The following GALNT8 variants were observed in gnomAD, a reference collection of about 807,000 sequenced individuals.
GALNT8 encodes probable polypeptide N-acetylgalactosaminyltransferase 8.
GALNT8 carries 66 observed loss-of-function variants against 62.7 expected under a neutral mutation model. The observed-to-expected ratio is 1.05, with a 90% CI of 0.86 to 1.29. The LOEUF is 1.29. Among genes scored for constraint, GALNT8 ranks in the 50% most tolerant of loss-of-function variants. GALNT8 has a pLI of 0.00. For missense variants in GALNT8, 771 were observed against 791.8 expected, an observed-to-expected ratio of 0.97 and a Z score of 0.32; for synonymous variants, 288 against 294.3, an observed-to-expected ratio of 0.98 and a Z score of 0.22.
intron 6 of GALNT8, among the ~76,000 whole-genome samples, chr12:4,754,565 C>T (rs1946336192): frequency 1.3e-5 from 2 of 152,130 alleles, no homozygotes; most frequent in Non-Finnish European, 2.9e-5. Flanking sequence ...ATGAATGCTG[C>T]CTGGCTTAAG....
chr12:4,727,820 G>C (rs1271278742), intron 2 of GALNT8, among the ~76,000 whole-genome samples: 1 of 152,170 alleles, frequency 6.6e-6, no homozygotes, highest in East Asian at 1.9e-4. Flanking sequence ...TAATACTGCT[G>C]TGAACATTCA....
intron 5 of GALNT8, 102 bp downstream of exon 5, chr12:4,745,728 G>A (rs74056121): frequency 4.8e-6 from 4 of 835,818 alleles, no homozygotes; most frequent in Non-Finnish European, 7.9e-6. Flanking sequence ...GGGGTGACGT[G>A]GAAGGAGGGG....
At chr12:4,745,827 G>T (rs1439534786) in intron 5 of GALNT8, among the ~76,000 whole-genome samples, 2 of 152,148 alleles carry the variant, frequency 1.3e-5, no homozygotes, top group African/African-American at 4.8e-5. Context: ...GGGATATTTA[G>T]GGACTTTCAG....
chr12:4,741,084 G>A (rs954353372), intron 3 of GALNT8, among the ~76,000 whole-genome samples: 1 of 152,122 alleles, frequency 6.6e-6, no homozygotes, highest in East Asian at 1.9e-4. Flanking sequence ...GACTATAAGG[G>A]CTATGAAGTG....
intron 1 of GALNT8, among the ~76,000 whole-genome samples, chr12:4,725,893 T>C (rs1363286685): frequency 6.6e-6 from 1 of 152,156 alleles, no homozygotes; most frequent in Non-Finnish European, 1.5e-5. Flanking sequence ...AAGTTGGAAA[T>C]TGCAAGACTA....
At chr12:4,767,694 C>G (rs1946405790) in intron 10 of GALNT8, among the ~76,000 whole-genome samples, 1 of 152,220 alleles carries the variant, frequency 6.6e-6, no homozygotes, top group South Asian at 2.1e-4. Context: ...GTCTGAGCAT[C>G]TGGCAGACCT....
intron 7 of GALNT8, among the ~76,000 whole-genome samples, chr12:4,762,389 C>A (rs1946377145): frequency 6.6e-6 from 1 of 152,174 alleles, no homozygotes; most frequent in South Asian, 2.1e-4. Context: ...TCTGCTTTTC[C>A]TAATTTGCCT....
Position 4,761,030 on chromosome 12 carries a change from C to CT in GALNT8, c.1246_1247insT (p.Pro416LeufsTer24). On this transcript the variant is annotated frameshift_variant, in exon 7 of 11. Coordinates refer to ENST00000252318, the MANE Select transcript of GALNT8 (RefSeq NM_017417.2). LOFTEE classifies it high-confidence loss of function. ...TGCCCACCTAGAGAGACACCACAAG[C>CT]CCTACGCCTTGGATCTCACCGCTGC... 1.2e-6 allele frequency: 2 copies of CT among 1,614,020 alleles called. No individual in the cohort carries two copies. Among genetic ancestry groups the CT allele is most frequent in the Non-Finnish European group, 1.7e-6 (2 of 1,179,952 alleles).
At position 4,772,545 on chromosome 12, in the gene GALNT8, T is replaced by C; in HGVS notation, c.1862T>C (p.Val621Ala). The part of the protein sequence containing the change: ...VLVLQTCSTQ[V>A]WEIQHTVRDW... ...GTGCTCCAGACCTGTAGCACGCAAG[T>C]GTGGGAAATCCAGCACACTGTCAGA... The change falls in exon 11 of 11, where the codon GTG (valine) becomes GCG (alanine). Residue 621 changes from valine (V) to alanine (A), a missense_variant. By Grantham distance (64) the Val-to-Ala change is moderately conservative (BLOSUM62 0). Coordinates refer to ENST00000252318, the MANE Select transcript of GALNT8 (RefSeq NM_017417.2). The C allele has an allele frequency of 6.2e-7, 1 of 1,613,870 alleles. No individual in the cohort carries two copies. Among genetic ancestry groups the C allele is most frequent in the South Asian group, 1.1e-5 (1 of 91,082 alleles).
chr12:4,750,977 A>G (rs1946320203), intron 6 of GALNT8, among the ~76,000 whole-genome samples: 1 of 152,144 alleles, frequency 6.6e-6, no homozygotes, highest in Admixed American at 6.5e-5. Flanking sequence ...AAGACCACAC[A>G]CCTGTAACTA....
intron 2 of GALNT8, among the ~76,000 whole-genome samples, chr12:4,736,071 G>C (rs1181230603): frequency 6.6e-6 from 1 of 152,142 alleles, no homozygotes; most frequent in Non-Finnish European, 1.5e-5. Flanking sequence ...GAAAAAGATT[G>C]CCAAGAAGAG....
chr12:4,748,272 G>T (rs1199724329), intron 6 of GALNT8, among the ~76,000 whole-genome samples: 1 of 152,056 alleles, frequency 6.6e-6, no homozygotes, highest in Admixed American at 6.6e-5. Context: ...TGCTTGTGGG[G>T]TATTGCTGAA....
intron 3 of GALNT8, among the ~76,000 whole-genome samples, chr12:4,743,347 C>T (rs957783325): frequency 5.3e-5 from 8 of 152,242 alleles, no homozygotes; most frequent in African/African-American, 1.7e-4. Flanking sequence ...AAGCAAACAG[C>T]CTTAGACGTA....
At chr12:4,723,977 C>T (rs1453011487) in intron 1 of GALNT8, among the ~76,000 whole-genome samples, 3 of 151,338 alleles carry the variant, frequency 2.0e-5, no homozygotes, top group African/African-American at 2.4e-5. Flanking sequence ...GGTGAAACCC[C>T]GTCTCTAGAA....
intron 2 of GALNT8, among the ~76,000 whole-genome samples, chr12:4,735,580 C>A (rs1463990066): frequency 6.6e-6 from 1 of 152,184 alleles, no homozygotes; most frequent in Non-Finnish European, 1.5e-5. Flanking sequence ...AATTGTGACT[C>A]CCTTCTTCTA....
rs750813798 is a variant in GALNT8, at chr12:4,745,388, CCTCATATCCAAGCTGGGCTTT to C, written c.861-38_861-18del. 7.8e-7 allele frequency: 1 copy of C among 1,287,296 alleles called. No individual in the cohort carries two copies. The highest frequency in any genetic ancestry group is 1.7e-5 in the Admixed American group (1 of 59,608). The allele number at this position is 1,287,296 out of a possible 1,614,324, so 79.7% of individuals were successfully genotyped here. On this transcript the variant is annotated intron_variant, in intron 4 of 10. Coordinates refer to ENST00000252318, the MANE Select transcript of GALNT8 (RefSeq NM_017417.2). ...TTATCTGCTCTCCCCTACTGCTTGTCCTCATATCCAAGCTGGGCTTTCTGCACACTCTTGTTCTAGGGCAGA... is the reference window on the plus strand; with the variant it reads ...TTATCTGCTCTCCCCTACTGCTTGTCCTGCACACTCTTGTTCTAGGGCAGA...
chr12:4,740,516 C>T (rs146531001), intron 3 of GALNT8, among the ~76,000 whole-genome samples: 1,956 of 151,820 alleles, frequency 0.013, 30 homozygotes, highest in Non-Finnish European at 0.017. Flanking sequence ...CTCCACCTCC[C>T]GGGTTCAAGC....
chr12:4,737,232 C>CA (rs1946249553), intron 2 of GALNT8, among the ~76,000 whole-genome samples: 1 of 152,208 alleles, frequency 6.6e-6, no homozygotes, highest in Non-Finnish European at 1.5e-5. Context: ...CTGCTTCCCC[C>CA]AAAATTGGAG....
chr12:4,765,015 A>G (rs551359021), intron 9 of GALNT8, among the ~76,000 whole-genome samples: 65 of 152,318 alleles, frequency 4.3e-4, no homozygotes, highest in African/African-American at 1.3e-3. Flanking sequence ...TCACTGAGCA[A>G]GATAGTGTCA....
Sources: allele counts gnomAD v4.1 joint callset (sites outside exome capture counted in the v4.1 genomes callset), GRCh38; gene constraint gnomAD v4.1.1; transcripts MANE v1.5; gene names NCBI Gene and HGNC (gene_info 2026-07-23, HGNC 2026-07-21).